RNF32: variants seen among roughly 807,000 people sequenced by gnomAD.
RNF32 encodes the protein ring finger protein 32.
A neutral mutation model predicts 41.0 loss-of-function variants in RNF32; 36 were observed. That is an observed-to-expected ratio of 0.88 (90% CI 0.67 to 1.16). The LOEUF is 1.16. RNF32 is among the 50% of genes most tolerant of loss of function. The pLI, the probability that RNF32 is intolerant of heterozygous loss-of-function variation, is 0.00. For missense variants in RNF32, 413 were observed against 436.7 expected, an observed-to-expected ratio of 0.95 and a Z score of 0.48; for synonymous variants, 154 against 160.9, an observed-to-expected ratio of 0.96 and a Z score of 0.32.
rs1259919324 is a variant in RNF32, at chr7:156,669,207, C to T, written c.685-6489C>T. The T allele has an allele frequency of 1.3e-5, 2 of 152,292 alleles. No individual in the cohort carries two copies. Among genetic ancestry groups the T allele is most frequent in the Non-Finnish European group, 2.9e-5 (2 of 68,100 alleles). 9.4% of individuals were successfully genotyped at this position (152,292 alleles called of 1,614,324 possible). A position where few individuals can be genotyped will look rare whatever the true frequency, so the allele number is the denominator to read the frequency against. On this transcript the variant is annotated intron_variant, in intron 7 of 8. Transcript: ENST00000317955. The surrounding 1 kb of genome is among the most constrained non-coding windows in gnomAD (Gnocchi z 4.2). ...GTGCAAGGGCCCAGGTGTGAGCACC[C>T]AGCCGGCGTGCCTGTCTAGGTGCAT...
chr7:156,647,195 CT>C (rs201887733), intron 3 of RNF32, among the ~76,000 whole-genome samples: 2,806 of 151,830 alleles, frequency 0.018, 88 homozygotes, highest in African/African-American at 0.065. Context: ...TGTGTTTCTT[CT>C]TTTTTATTTA....
rs201397806 is a variant in RNF32 at position 156,675,728 on chromosome 7, A to G, written c.717A>G (p.Ser239=). ...FTEISHRILC[S]YNTNIEELFA... ...AAATCAGCCACCGCATCCTGTGCTCATACAACACCAACATTGAAGAGCTCT... is the reference window on the plus strand; with the variant it reads ...AAATCAGCCACCGCATCCTGTGCTCGTACAACACCAACATTGAAGAGCTCT... Residue 239 remains serine, a synonymous_variant, in exon 8 of 9, where the codon TCA becomes TCG. Transcript: ENST00000317955. 6.8e-6 allele frequency: 11 copies of G among 1,613,928 alleles called. No individual in the cohort carries two copies. Among genetic ancestry groups the G allele is most frequent in the Middle Eastern group, 1.6e-4 (1 of 6,062 alleles).
At chr7:156,641,005 G>T (rs1179581891) in intron 1 of RNF32, 194 bp downstream of exon 1, 2 of 163,178 alleles carry the variant, frequency 1.2e-5, no homozygotes, top group African/African-American at 2.4e-5. Context: ...CGGGGTCCTG[G>T]TTAGTTTCCA....
At chr7:156,650,059 A>G (rs1293256707) in intron 3 of RNF32, among the ~76,000 whole-genome samples, 3 of 152,068 alleles carry the variant, frequency 2.0e-5, no homozygotes. Flanking sequence ...AGGAGAGGTG[A>G]TGGGTTAGGA....
In RNF32 at chr7:156,658,418, T is replaced by C. The variant is rs751469823; in HGVS notation, c.576-44T>C. ...ACAACTACTGAAGTATTGGTTGACA[T>C]AGAGTCATCATAAATTAGTCATTTT... is the stretch of plus-strand genomic sequence containing the variant. On this transcript the variant is annotated intron_variant, in intron 6 of 8. Transcript: ENST00000317955. 2.5e-5 allele frequency: 39 copies of C among 1,541,572 alleles called. No homozygotes were observed. In the South Asian group the frequency reaches 3.6e-4, roughly 14 times the overall value.
At chr7:156,666,530 T>C (rs1801361740) in intron 7 of RNF32, among the ~76,000 whole-genome samples, 1 of 152,212 alleles carries the variant, frequency 6.6e-6, no homozygotes, top group Admixed American at 6.5e-5. Flanking sequence ...ATTGAAGTCT[T>C]GTGGTAAGAA....
intron 7 of RNF32, among the ~76,000 whole-genome samples, chr7:156,668,627 C>T (rs901915318): frequency 3.9e-5 from 6 of 152,244 alleles, no homozygotes; most frequent in African/African-American, 1.4e-4. Flanking sequence ...AGAAGCCTGG[C>T]GATCCCTCCC....
At chr7:156,665,316 G>GACCACCCCTT (rs1168780624) in intron 7 of RNF32, among the ~76,000 whole-genome samples, 1 of 149,342 alleles carries the variant, frequency 6.7e-6, no homozygotes, top group Non-Finnish European at 1.5e-5. Flanking sequence ...AGCCACCCCT[G>GACCACCCCTT]AGTCTGTTCA....
intron 7 of RNF32, among the ~76,000 whole-genome samples, chr7:156,662,587 C>T (rs1800800990): frequency 6.6e-6 from 1 of 152,050 alleles, no homozygotes; most frequent in Non-Finnish European, 1.5e-5. Flanking sequence ...CTCTCTGTCT[C>T]TGCCTGACTG....
intron 3 of RNF32, among the ~76,000 whole-genome samples, chr7:156,645,361 A>G (rs1483857363): frequency 6.6e-6 from 1 of 152,246 alleles, no homozygotes; most frequent in Admixed American, 6.5e-5. Flanking sequence ...TGAAAGGTAC[A>G]ACATCACTTC....
In RNF32 at chr7:156,658,587, A is replaced by T. The variant is rs1395405384; in HGVS notation, c.684+17A>T. Reference sequence around the variant, plus strand: ...GAAAAAAAGGTAGGTAAAGATCATTATGTTCTCCAGATATGGTCTCCGTGC... The same window carrying T: ...GAAAAAAAGGTAGGTAAAGATCATTTTGTTCTCCAGATATGGTCTCCGTGC... On this transcript the variant is annotated intron_variant, in intron 7 of 8. Coordinates refer to ENST00000317955, the MANE Select transcript of RNF32 (RefSeq NM_030936.4). 5.3e-6 allele frequency: 8 copies of T among 1,512,258 alleles called. No homozygotes were observed. The highest frequency in any genetic ancestry group is 7.4e-6 in the Non-Finnish European group (8 of 1,087,490). The allele number at this position is 1,512,258 out of a possible 1,614,324, so 93.7% of individuals were successfully genotyped here.
rs542950240 is a variant in RNF32 at position 156,676,810 on chromosome 7, A to G, written c.*155A>G. 4.9e-6 allele frequency: 3 copies of G among 612,540 alleles called. No individual in the cohort carries two copies. In the South Asian group the frequency reaches 6.4e-5, roughly 13 times the overall value. The allele number at this position is 612,540 out of a possible 1,614,324, so 37.9% of individuals were successfully genotyped here. A position where few individuals can be genotyped will look rare whatever the true frequency, so the allele number is the denominator to read the frequency against. ...GTAGGAAATCTTAGTATATTTTAAA[A>G]GCTGACATCCCACCTAATTTTAATC... On this transcript the variant is annotated 3_prime_UTR_variant, in exon 9 of 9. Transcript: ENST00000317955.
intron 7 of RNF32, among the ~76,000 whole-genome samples, chr7:156,672,974 C>G (rs543463667): frequency 6.6e-5 from 10 of 152,372 alleles, no homozygotes; most frequent in Admixed American, 2.6e-4. Context: ...GCTCACCCCG[C>G]GGACTGTGGC....
Position 156,643,806 on chromosome 7 carries a change from G to C in RNF32, c.-72G>C. 1.4e-6 allele frequency: 2 copies of C among 1,384,744 alleles called. No individual in the cohort carries two copies. Among genetic ancestry groups the C allele is most frequent in the Non-Finnish European group, 2.1e-6 (2 of 974,088 alleles). 85.8% of individuals were successfully genotyped at this position (1,384,744 alleles called of 1,614,324 possible). On this transcript the variant is annotated 5_prime_UTR_variant, in exon 2 of 9. Coordinates refer to ENST00000317955, the MANE Select transcript of RNF32 (RefSeq NM_030936.4). ...TGTTGACCACGTCTTTGCAGCAGAA[G>C]AATAGAAGGAAGGTGATAGGATGTG...
Position 156,663,981 on chromosome 7 carries a change from C to T in RNF32, c.684+5411C>T, listed in dbSNP as rs535591775. ...ATGGAGTCAAATAGCTTCCTGGGTG[C>T]CTGCTCTCTGCCTGTGCTTTGTTAG... is the stretch of plus-strand genomic sequence containing the variant. On this transcript the variant is annotated intron_variant, in intron 7 of 8. Coordinates refer to ENST00000317955, the MANE Select transcript of RNF32 (RefSeq NM_030936.4). Among the ~76,000 whole-genome samples the T allele has an allele frequency of 6.6e-5, 10 of 152,278 alleles. No individual in the cohort carries two copies. The South Asian group carries it at 2.1e-3, about 32-fold the overall frequency.
chr7:156,652,314 T>G (rs1798857483), intron 3 of RNF32, among the ~76,000 whole-genome samples: 1 of 152,160 alleles, frequency 6.6e-6, no homozygotes, highest in Admixed American at 6.5e-5. Flanking sequence ...GGATTCGATG[T>G]TCTGAGTACT....
chr7:156,661,649 G>A (rs953876420), intron 7 of RNF32, among the ~76,000 whole-genome samples: 2 of 152,150 alleles, frequency 1.3e-5, no homozygotes, highest in Non-Finnish European at 2.9e-5. Flanking sequence ...TTACAGCAAT[G>A]ACCCACCACA....
chr7:156,642,556 C>T (rs532241477), intron 1 of RNF32, among the ~76,000 whole-genome samples: 8 of 152,202 alleles, frequency 5.3e-5, no homozygotes, highest in Non-Finnish European at 7.3e-5. Flanking sequence ...GTGTGAATAC[C>T]GTATGCTTTA....
chr7:156,641,495 C>T (rs769435898), intron 1 of RNF32, among the ~76,000 whole-genome samples: 4 of 152,176 alleles, frequency 2.6e-5, no homozygotes, highest in Non-Finnish European at 5.9e-5. Flanking sequence ...TTGAAGGACT[C>T]ACCTGGTATT....
Sources: allele counts gnomAD v4.1 joint callset (sites outside exome capture counted in the v4.1 genomes callset), GRCh38; gene constraint gnomAD v4.1.1; non-coding constraint Gnocchi (gnomAD v3.1); transcripts MANE v1.5; gene names NCBI Gene and HGNC (gene_info 2026-07-23, HGNC 2026-07-21).